CNTNAP5: variants seen among roughly 807,000 people sequenced by gnomAD.
CNTNAP5 encodes the protein contactin associated protein family member 5.
CNTNAP5 carries 72 observed loss-of-function variants against 150.2 expected under a neutral mutation model. The ratio of observed to expected loss-of-function variants is 0.48; its 90% CI spans 0.40 to 0.58. The LOEUF (loss-of-function observed/expected upper bound fraction) is 0.58. Among genes scored for constraint, CNTNAP5 ranks in the 20% least tolerant of loss-of-function variants. CNTNAP5 has a pLI of 0.00. For missense variants in CNTNAP5, 1,636 were observed against 1,626.2 expected, an observed-to-expected ratio of 1.01 and a Z score of -0.10; for synonymous variants, 672 against 619.8, an observed-to-expected ratio of 1.08 and a Z score of -1.25.
At chr2:124,100,971 G>A (rs1342809577) in intron 1 of CNTNAP5, among the ~76,000 whole-genome samples, 1 of 151,640 alleles carries the variant, frequency 6.6e-6, no homozygotes, top group African/African-American at 2.4e-5. Context: ...TTCCTGAATC[G>A]ATGCACTTGA....
chr2:124,632,355 A>G (rs892295206), intron 12 of CNTNAP5, among the ~76,000 whole-genome samples: 17 of 152,354 alleles, frequency 1.1e-4, no homozygotes, highest in African/African-American at 4.1e-4. Flanking sequence ...CATAAACAGC[A>G]CAGAATACTA....
intron 7 of CNTNAP5, among the ~76,000 whole-genome samples, chr2:124,477,702 T>C (rs545939641): frequency 1.3e-5 from 2 of 150,596 alleles, no homozygotes; most frequent in Non-Finnish European, 2.9e-5. Context: ...TCTTGGGCTA[T>C]GGAAAGCACA....
At chr2:124,691,673 G>C (rs575454590) in intron 13 of CNTNAP5, among the ~76,000 whole-genome samples, 2 of 152,142 alleles carry the variant, frequency 1.3e-5, no homozygotes, top group East Asian at 1.9e-4. Flanking sequence ...CTCAGTCAGC[G>C]TTTCATGGGT....
chr2:124,045,296 T>TTTA (rs1445402551), intron 1 of CNTNAP5, among the ~76,000 whole-genome samples: 1 of 150,416 alleles, frequency 6.6e-6, no homozygotes, highest in Non-Finnish European at 1.5e-5. Flanking sequence ...TCTTTTCCTT[T>TTTA]TTTTTTTTTT....
At chr2:124,252,638 T>C (rs1044754698) in intron 3 of CNTNAP5, among the ~76,000 whole-genome samples, 5 of 152,212 alleles carry the variant, frequency 3.3e-5, no homozygotes, top group Admixed American at 3.3e-4. Flanking sequence ...GAAATACATT[T>C]GTCATTTATT....
At chr2:124,748,072 A>T (rs1192855134) in intron 14 of CNTNAP5, among the ~76,000 whole-genome samples, 2 of 151,694 alleles carry the variant, frequency 1.3e-5, no homozygotes. Context: ...AGAGATAGGG[A>T]TGTGGGGTTA....
At chr2:124,572,581 A>C (rs181396620) in intron 11 of CNTNAP5, among the ~76,000 whole-genome samples, 11 of 152,316 alleles carry the variant, frequency 7.2e-5, no homozygotes, top group Admixed American at 4.6e-4. Flanking sequence ...ATATTAAAAT[A>C]AGAACCAAAA....
intron 1 of CNTNAP5, among the ~76,000 whole-genome samples, chr2:124,098,392 G>GA: frequency 1.3e-5 from 2 of 152,276 alleles, no homozygotes; most frequent in South Asian, 4.1e-4. Flanking sequence ...CTGGGTATAA[G>GA]TAGATCCATG....
intron 13 of CNTNAP5, among the ~76,000 whole-genome samples, chr2:124,688,548 T>G: frequency 6.6e-6 from 1 of 152,028 alleles, no homozygotes; most frequent in East Asian, 1.9e-4. Flanking sequence ...AGTCATAGAA[T>G]GTTGGGTTCA....
intron 10 of CNTNAP5, among the ~76,000 whole-genome samples, chr2:124,533,105 C>T (rs141801865): frequency 1.6e-4 from 24 of 151,934 alleles, no homozygotes; most frequent in African/African-American, 5.8e-4. Context: ...AGAAGACCTG[C>T]CATGGCCCAT....
At chr2:124,892,626 G>A (rs1159450540) in intron 21 of CNTNAP5, among the ~76,000 whole-genome samples, 1 of 152,096 alleles carries the variant, frequency 6.6e-6, no homozygotes, top group African/African-American at 2.4e-5. Flanking sequence ...TTCTGGACTG[G>A]GCCAAGCCCT....
At chr2:124,247,441 T>C (rs148630171) in intron 3 of CNTNAP5, among the ~76,000 whole-genome samples, 125 of 152,266 alleles carry the variant, frequency 8.2e-4, no homozygotes, top group Admixed American at 1.3e-3. Flanking sequence ...GCAGTTCACA[T>C]GCACGAAGCT....
Position 124,871,763 on chromosome 2 carries a change from C to T in CNTNAP5, c.3436+2001C>T, listed in dbSNP as rs929479177. On this transcript the variant is annotated intron_variant, in intron 21 of 23. Coordinates refer to ENST00000682447, the MANE Select transcript of CNTNAP5 (RefSeq NM_001367498.1). ...TTTCTTTGATGTTTTGCAGTTTTGT[C>T]ATCACGTATCTGCTTGTAGATTTCT... Among the ~76,000 whole-genome samples the T allele has an allele frequency of 2.0e-5, 3 of 152,048 alleles. No homozygotes were observed. The South Asian group carries it at 6.2e-4, about 32-fold the overall frequency.
intron 19 of CNTNAP5, among the ~76,000 whole-genome samples, chr2:124,815,685 A>C (rs1029122640): frequency 6.6e-6 from 1 of 152,120 alleles, no homozygotes; most frequent in Non-Finnish European, 1.5e-5. Flanking sequence ...AAATAGCGTC[A>C]TGAAAATATA....
chr2:124,811,707 G>GGGGC (rs958322308), intron 19 of CNTNAP5, among the ~76,000 whole-genome samples: 4 of 15,762 alleles, frequency 2.5e-4, no homozygotes, highest in African/African-American at 9.3e-4. Context: ...TTTAGGAGGC[G>GGGGC]GGGGGGGTGG....
chr2:124,910,920 C>T (rs1163269880), intron 22 of CNTNAP5, among the ~76,000 whole-genome samples: 1 of 151,832 alleles, frequency 6.6e-6, no homozygotes, highest in African/African-American at 2.4e-5. Context: ...CAACAAACAA[C>T]AGAGCAAAGA....
chr2:124,708,529 G>A (rs17393244), intron 13 of CNTNAP5, among the ~76,000 whole-genome samples: 24,746 of 152,046 alleles, frequency 0.16, 2,293 homozygotes, highest in East Asian at 0.24. Flanking sequence ...AAACAAAGGC[G>A]GAAAATGTAT....
Position 124,824,198 on chromosome 2 carries a change from A to G in CNTNAP5, c.3217+25878A>G, listed in dbSNP as rs370574966. 7.9e-5 allele frequency among the ~76,000 whole-genome samples: 12 copies of G among 152,126 alleles called. No homozygotes were observed. The East Asian group carries it at 2.1e-3, about 27-fold the overall frequency. On this transcript the variant is annotated intron_variant, in intron 19 of 23. Transcript: ENST00000682447. ...TTCCCAAAATTCTGGGATTACAGGC[A>G]TGAGCTACCATGCCTGGCCCTTATG...
chr2:124,908,032 T>A (rs779178058), intron 22 of CNTNAP5, among the ~76,000 whole-genome samples: 1 of 151,870 alleles, frequency 6.6e-6, no homozygotes, highest in Non-Finnish European at 1.5e-5. Flanking sequence ...TTAAAAGTAG[T>A]ACATAGACTC....
Sources: gnomAD v4.1 joint callset for allele counts (sites outside exome capture counted in the v4.1 genomes callset) on GRCh38, gnomAD v4.1.1 for gene constraint, MANE v1.5 for transcripts, NCBI Gene and HGNC (gene_info 2026-07-23, HGNC 2026-07-21) for gene names.